CCNH: variants seen among roughly 807,000 people sequenced by gnomAD.
CCNH encodes the protein cyclin-H.
Under a neutral mutation model 41.9 loss-of-function variants are expected in CCNH, and 31 were observed. The ratio of observed to expected loss-of-function variants is 0.74; its 90% CI spans 0.56 to 1.00. CCNH has a LOEUF of 1.00. CCNH is among the 50% of genes least tolerant of loss of function. The pLI, the probability that CCNH is intolerant of heterozygous loss-of-function variation, is 0.00. For missense variants in CCNH, 362 were observed against 388.4 expected (o/e 0.93, Z 0.57); for synonymous variants, 138 against 136.1 (o/e 1.01, Z -0.10).
At chr5:87,377,098 G>C (rs1415301640) in exon 1 of CCNH, 2 of 1,531,714 alleles carry the variant, frequency 1.3e-6, no homozygotes, top group African/African-American at 1.4e-5. Context: ...TTATATCAAG[G>C]ATATATGGAC....
intron 9 of CCNH, chr5:87,362,557 G>A (rs2112456388): frequency 6.3e-7 from 1 of 1,590,196 alleles, no homozygotes. Context: ...TCAGGATCAA[G>A]AACAAGTACT....
chr5:87,333,073 T>A (rs977132819), intron 9 of CCNH, among the ~76,000 whole-genome samples: 1 of 152,084 alleles, frequency 6.6e-6, no homozygotes, highest in African/African-American at 2.4e-5. Context: ...ATTTAAAATA[T>A]GATTTTCATA....
upstream of CCNH, among the ~76,000 whole-genome samples, chr5:87,381,111 A>T (rs1174195449): frequency 1.3e-5 from 2 of 152,204 alleles, no homozygotes; most frequent in South Asian, 4.1e-4. Context: ...AAGGGACTTC[A>T]TTATCATTAT....
intron 9 of CCNH, among the ~76,000 whole-genome samples, chr5:87,343,851 A>G (rs1028674153): frequency 2.6e-5 from 4 of 152,182 alleles, no homozygotes; most frequent in African/African-American, 9.6e-5. Context: ...TAAAGAAAAT[A>G]TAGTACATAT....
chr5:87,330,819 T>A, intron 9 of CCNH: 1 of 523,302 alleles, frequency 1.9e-6, no homozygotes, highest in South Asian at 6.8e-5. Context: ...GCCAAAGGGA[T>A]TAATCAGCTT....
intron 5 of CCNH, 94 bp from the exon 6 acceptor site, chr5:87,401,866 G>C (rs1305084029): frequency 1.5e-6 from 1 of 686,244 alleles, no homozygotes; most frequent in African/African-American, 1.9e-5. Context: ...CTCATCAAAG[G>C]CAATTAAAAA....
chr5:87,406,077 C>T (rs1187285190), intron 4 of CCNH, among the ~76,000 whole-genome samples: 3 of 152,100 alleles, frequency 2.0e-5, no homozygotes, highest in African/African-American at 7.2e-5. Flanking sequence ...TGATAATTCT[C>T]AGAAACTCCA....
intron 9 of CCNH, among the ~76,000 whole-genome samples, chr5:87,324,852 CATA>C (rs1757107229): frequency 6.6e-6 from 1 of 151,956 alleles, no homozygotes; most frequent in Non-Finnish European, 1.5e-5. Context: ...TAGTCTCTAT[CATA>C]GTGATTTGAA....
rs377484237 is a variant in CCNH at position 87,347,453 on chromosome 5, C to T, written c.*91-28556G>A. On this transcript the variant is annotated intron_variant and NMD_transcript_variant, in intron 9 of 9. Transcript: ENST00000645953. ...CGAGCATTTCTTTGGCAAACCACAT[C>T]TTATAAAGATTTCAGACAAGTTTAA... Among the ~76,000 whole-genome samples, 8 of 152,052 alleles carry T rather than the reference C, an allele frequency of 5.3e-5. No individual in the cohort carries two copies. In the East Asian group the frequency reaches 1.2e-3, roughly 22 times the overall value.
rs140233941 is a variant in CCNH, at chr5:87,382,252, A to G, written c.*90+10518T>C. Among the ~76,000 whole-genome samples the G allele has an allele frequency of 2.7e-3, 407 of 152,240 alleles. 5 individuals carry two copies. The highest frequency in any genetic ancestry group is 8.5e-3 in the East Asian group (44 of 5,178). On this transcript the variant is annotated intron_variant and NMD_transcript_variant, in intron 9 of 9. Transcript: ENST00000645953. ...AGGCATGAGCCACCATGCCCAGCCA[A>G]TATATTAGAATTTCTATAAATGCTG...
intron 9 of CCNH, among the ~76,000 whole-genome samples, chr5:87,348,227 T>G (rs1467747137): frequency 6.6e-6 from 1 of 152,076 alleles, no homozygotes; most frequent in Non-Finnish European, 1.5e-5. Context: ...GATTTATTTT[T>G]TTCTTTTTAC....
downstream of CCNH, chr5:87,390,869 AATG>A: frequency 6.2e-7 from 1 of 1,612,228 alleles, no homozygotes; most frequent in Middle Eastern, 1.7e-4. Flanking sequence ...TACAAAAACC[AATG>A]ATGTCAGGTA....
At chr5:87,391,461 G>A (rs1005187468), downstream of CCNH, 2 of 240,882 alleles carry the variant, frequency 8.3e-6, no homozygotes, top group African/African-American at 4.4e-5. Context: ...TTCTCTTGCT[G>A]GAACTGTTGA....
At chr5:87,361,303 T>G (rs752907575) in intron 9 of CCNH, among the ~76,000 whole-genome samples, 1 of 152,258 alleles carries the variant, frequency 6.6e-6, no homozygotes, top group Non-Finnish European at 1.5e-5. Context: ...CAATTCATTC[T>G]TCTATTTTCT....
At chr5:87,386,913 T>C (rs1410738732), downstream of CCNH, 1 of 1,604,870 alleles carries the variant, frequency 6.2e-7, no homozygotes, top group Admixed American at 1.7e-5. Flanking sequence ...GGTATGTATA[T>C]AGTTTTCAGG....
chr5:87,345,578 C>A (rs1300478897), intron 9 of CCNH, among the ~76,000 whole-genome samples: 1 of 151,992 alleles, frequency 6.6e-6, no homozygotes, highest in Non-Finnish European at 1.5e-5. Flanking sequence ...ACAGGGAGCA[C>A]CAGGAGATCT....
At chr5:87,377,304 T>C, upstream of CCNH, 1 of 473,624 alleles carries the variant, frequency 2.1e-6, no homozygotes, top group Non-Finnish European at 3.9e-6. Flanking sequence ...ATCAATGGCT[T>C]GACTGTTTGG....
chr5:87,343,972 G>C (rs1054918206), intron 9 of CCNH, among the ~76,000 whole-genome samples: 3 of 152,126 alleles, frequency 2.0e-5, no homozygotes, highest in Non-Finnish European at 4.4e-5. Flanking sequence ...GGCACAGAAA[G>C]ACAAATACCA....
At chr5:87,377,980 TAATA>T (rs1209303724), upstream of CCNH, among the ~76,000 whole-genome samples, 2 of 152,234 alleles carry the variant, frequency 1.3e-5, no homozygotes, top group Non-Finnish European at 2.9e-5. Flanking sequence ...TATTTTAAGC[TAATA>T]AATTAATCTA....
Sources: gnomAD v4.1 joint callset for allele counts (sites outside exome capture counted in the v4.1 genomes callset) on GRCh38, gnomAD v4.1.1 for gene constraint, MANE v1.5 for transcripts, NCBI Gene and HGNC (gene_info 2026-07-23, HGNC 2026-07-21) for gene names.